The following KCNQ5 variants were observed in gnomAD, a reference collection of about 807,000 sequenced individuals.
KCNQ5 encodes potassium voltage-gated channel subfamily KQT member 5.
Under a neutral mutation model 98.2 loss-of-function variants are expected in KCNQ5, and 30 were observed. That is an observed-to-expected ratio of 0.31 (90% confidence interval 0.23 to 0.41). The LOEUF (loss-of-function observed/expected upper bound fraction) is 0.41. Ranked by LOEUF, KCNQ5 falls within the 10% of genes least tolerant of loss-of-function variation. The pLI, the probability that KCNQ5 is intolerant of heterozygous loss-of-function variation, is 1.00. For missense variants in KCNQ5, 835 were observed against 1,182.5 expected (o/e 0.71, Z 4.31); for synonymous variants, 458 against 449.4 (o/e 1.02, Z -0.24).
intron 5 of KCNQ5, among the ~76,000 whole-genome samples, chr6:73,082,349 T>C (rs1773812689): frequency 1.3e-5 from 2 of 152,240 alleles, no homozygotes; most frequent in Non-Finnish European, 2.9e-5. Context: ...TCACTTGTAA[T>C]TTGTTTTTAA....
intron 1 of KCNQ5, among the ~76,000 whole-genome samples, chr6:72,858,036 CA>C (rs1777603290): frequency 1.3e-5 from 2 of 152,010 alleles, no homozygotes; most frequent in African/African-American, 4.8e-5. Context: ...TGGTGTAGAA[CA>C]AAAAGGAGAA....
chr6:72,723,635 T>G (rs973110106), intron 1 of KCNQ5, among the ~76,000 whole-genome samples: 1 of 152,192 alleles, frequency 6.6e-6, no homozygotes, highest in Non-Finnish European at 1.5e-5. Context: ...CTTTTTTTGC[T>G]TCTTTCTTTT....
intron 5 of KCNQ5, 27 bp from the exon 6 acceptor site, chr6:73,105,230 T>C (rs1334984069): frequency 7.3e-7 from 1 of 1,368,836 alleles, no homozygotes; most frequent in Non-Finnish European, 1.0e-6. Flanking sequence ...GTACTTAAGC[T>C]GCACATTCTA....
At chr6:72,864,050 C>T (rs557781913) in intron 1 of KCNQ5, among the ~76,000 whole-genome samples, 1 of 152,268 alleles carries the variant, frequency 6.6e-6, no homozygotes, top group South Asian at 2.1e-4. Flanking sequence ...AGCTCAATAA[C>T]CAAATATTGA....
chr6:72,679,490 G>A (rs559786652), intron 1 of KCNQ5, among the ~76,000 whole-genome samples: 5 of 147,940 alleles, frequency 3.4e-5, no homozygotes, highest in Non-Finnish European at 5.9e-5. Context: ...ACCAAACACC[G>A]CATATTCTCA....
chr6:72,950,502 A>C (rs1035001281), intron 1 of KCNQ5, among the ~76,000 whole-genome samples: 6 of 152,212 alleles, frequency 3.9e-5, no homozygotes, highest in Admixed American at 3.9e-4. Context: ...TATGGTTTCC[A>C]TGCATGAATC....
At chr6:73,095,774 A>G (rs1007909250) in intron 5 of KCNQ5, among the ~76,000 whole-genome samples, 1 of 152,136 alleles carries the variant, frequency 6.6e-6, no homozygotes, top group African/African-American at 2.4e-5. Flanking sequence ...GATGTGAACC[A>G]TCTGTGGGTT....
At chr6:72,878,452 G>C (rs1327192302) in intron 1 of KCNQ5, among the ~76,000 whole-genome samples, 1 of 151,974 alleles carries the variant, frequency 6.6e-6, no homozygotes, top group African/African-American at 2.4e-5. Flanking sequence ...ACCATTCCCA[G>C]ACATCTTTGA....
chr6:72,925,622 C>T (rs1765377500), intron 1 of KCNQ5, among the ~76,000 whole-genome samples: 1 of 152,074 alleles, frequency 6.6e-6, no homozygotes, highest in Non-Finnish European at 1.5e-5. Flanking sequence ...AATACATAAC[C>T]AGAGCTCATA....
intron 1 of KCNQ5, among the ~76,000 whole-genome samples, chr6:72,708,250 A>G (rs143064845): frequency 1.3e-5 from 2 of 152,112 alleles, no homozygotes; most frequent in East Asian, 3.9e-4. Context: ...CATGACTTTT[A>G]TTTTTTTCAA....
intron 1 of KCNQ5, among the ~76,000 whole-genome samples, chr6:72,703,712 TA>T (rs1213089037): frequency 2.6e-5 from 4 of 152,236 alleles, no homozygotes; most frequent in East Asian, 1.9e-4. Context: ...TCTGATTTTT[TA>T]AAAAAACATT....
chr6:73,139,034 T>C (rs180700273), intron 10 of KCNQ5, among the ~76,000 whole-genome samples: 64 of 152,366 alleles, frequency 4.2e-4, no homozygotes, highest in African/African-American at 1.5e-3. Context: ...CTCAGGGCTC[T>C]GGCTTCATTT....
chr6:73,051,215 C>A (rs576850038), intron 3 of KCNQ5, among the ~76,000 whole-genome samples: 1 of 152,262 alleles, frequency 6.6e-6, no homozygotes, highest in East Asian at 1.9e-4. Flanking sequence ...CCACTGCTGC[C>A]AGTGTGAACA....
At chr6:73,105,590 T>C (rs1419801794) in intron 6 of KCNQ5, among the ~76,000 whole-genome samples, 1 of 152,250 alleles carries the variant, frequency 6.6e-6, no homozygotes, top group Non-Finnish European at 1.5e-5. Flanking sequence ...TGTAGGCTCA[T>C]ACTTTGTGAC....
chr6:72,758,658 G>A (rs1194992459), intron 1 of KCNQ5, among the ~76,000 whole-genome samples: 1 of 152,116 alleles, frequency 6.6e-6, no homozygotes, highest in African/African-American at 2.4e-5. Flanking sequence ...ACACAAATGA[G>A]CAAAGGGGTA....
chr6:72,958,466 G>T (rs1243681180), intron 1 of KCNQ5, among the ~76,000 whole-genome samples: 1 of 152,094 alleles, frequency 6.6e-6, no homozygotes, highest in Non-Finnish European at 1.5e-5. Flanking sequence ...ATATCCATGG[G>T]CACAATCACA....
rs562748314 is a variant in KCNQ5 at position 73,182,508 on chromosome 6, C to T, written c.1578-8065C>T. On this transcript the variant is annotated intron_variant, in intron 11 of 13. Coordinates refer to ENST00000370398, the MANE Select transcript of KCNQ5 (RefSeq NM_019842.4). ...CTACCTGCCAACAAGGACTCCCCTA[C>T]TCCTCTGGTCTCCCCTCCACCCCCT... 7.2e-5 allele frequency among the ~76,000 whole-genome samples: 11 copies of T among 152,332 alleles called. No homozygotes were observed. The South Asian group carries it at 1.7e-3, about 23-fold the overall frequency.
chr6:73,042,010 T>C lies in KCNQ5; in HGVS notation c.564T>C (p.Tyr188=), dbSNP rs776692179. ...GGTCTGCGGGTTGCTGTTGTCGATA[T>C]AGAGGATGGCAAGGAAGACTGAGGT... ...RIWSAGCCCR[Y]RGWQGRLRFA... is the part of the protein sequence containing the mutation. Residue 188 remains tyrosine (Y), a synonymous_variant, in exon 3 of 14, where the codon TAT becomes TAC. Coordinates refer to ENST00000370398, the MANE Select transcript of KCNQ5 (RefSeq NM_019842.4). 4 of 1,613,952 alleles carry C rather than the reference T, an allele frequency of 2.5e-6. No individual in the cohort carries two copies. The highest frequency in any genetic ancestry group is 2.2e-5 in the South Asian group (2 of 91,078).
intron 5 of KCNQ5, among the ~76,000 whole-genome samples, chr6:73,087,278 C>A (rs1582328483): frequency 6.6e-6 from 1 of 152,246 alleles, no homozygotes; most frequent in African/African-American, 2.4e-5. Flanking sequence ...GAGATCGAAT[C>A]AACAGGACTT....
Sources: allele counts gnomAD v4.1 joint callset (sites outside exome capture counted in the v4.1 genomes callset), GRCh38; gene constraint gnomAD v4.1.1; transcripts MANE v1.5; gene names NCBI Gene and HGNC (gene_info 2026-07-23, HGNC 2026-07-21).